Variants in AOAH observed in about 807,000 individuals in gnomAD.
The protein encoded by AOAH is acyloxyacyl hydrolase (neutrophil).
In AOAH, 64 loss-of-function variants were observed where a neutral mutation model predicts 92.2. That is an observed-to-expected ratio of 0.69 (90% CI 0.57 to 0.86). The LOEUF (loss-of-function observed/expected upper bound fraction) is 0.86, where lower values mean the gene tolerates loss of function less well. Among genes scored for constraint, AOAH ranks in the 40% least tolerant of loss-of-function variants. The pLI is 0.00. For synonymous variants in AOAH, 263 were observed against 254.5 expected (o/e 1.03, Z -0.32); for missense variants, 656 against 694.6 (o/e 0.94, Z 0.62).
At position 36,597,393 on chromosome 7, in the gene AOAH, C is replaced by T. The variant is rs142354378; in HGVS notation, c.847-2963G>A. 3.3e-3 allele frequency among the ~76,000 whole-genome samples: 508 copies of T among 152,278 alleles called. 8 individuals carry two copies. Among genetic ancestry groups the T allele is most frequent in the African/African-American group, 0.012 (493 of 41,542 alleles). On this transcript the variant is annotated intron_variant, in intron 11 of 20. Transcript: ENST00000617537. ...TTTCTCTGTGTTTTATCTTATTTTT[C>T]CCTACATCTTTCTGCTTACAATGTG...
intron 11 of AOAH, 61 bp downstream of exon 11, chr7:36,616,319 G>A: frequency 1.5e-6 from 2 of 1,370,872 alleles, no homozygotes; most frequent in Non-Finnish European, 1.0e-6. Context: ...TTTAGAGAGA[G>A]CAAGAGGAAA....
At chr7:36,533,525 T>G (rs900972298) in intron 16 of AOAH, among the ~76,000 whole-genome samples, 2 of 152,158 alleles carry the variant, frequency 1.3e-5, no homozygotes, top group Non-Finnish European at 2.9e-5. Flanking sequence ...AGGTCTGTCT[T>G]CTGTACAGGC....
intron 3 of AOAH, among the ~76,000 whole-genome samples, chr7:36,670,986 C>T (rs1260655615): frequency 6.6e-6 from 1 of 152,160 alleles, no homozygotes; most frequent in African/African-American, 2.4e-5. Context: ...ACTCCCAGCA[C>T]ACTGCTGTTG....
chr7:36,543,943 C>CTTTTTTT lies in AOAH; in HGVS notation c.1134-3453_1134-3452insAAAAAAA, dbSNP rs1407764591. On this transcript the variant is annotated intron_variant, in intron 15 of 20. Transcript: ENST00000617537. ...TTTTCTTTTTCTTTTTTCTTTCTTT[C>CTTTTTTT]TTTCTTTTTTTTTTTTTTTTTTGAG... Among the ~76,000 whole-genome samples the CTTTTTTT allele has an allele frequency of 2.9e-4, 24 of 82,786 alleles. 1 individual carries two copies. Among genetic ancestry groups the CTTTTTTT allele is most frequent in the Non-Finnish European group, 4.3e-4 (17 of 39,932 alleles). The allele number at this position is 82,786 out of a possible 152,430, so 54.3% of individuals were successfully genotyped here. A position where few individuals can be genotyped will look rare whatever the true frequency, so the allele number is the denominator to read the frequency against.
chr7:36,689,205 C>T (rs1437829269), intron 1 of AOAH, among the ~76,000 whole-genome samples: 1 of 152,134 alleles, frequency 6.6e-6, no homozygotes, highest in African/African-American at 2.4e-5. Flanking sequence ...CATGAAACAA[C>T]CAGTGTCCTC....
chr7:36,702,820 C>T (rs764926169), intron 1 of AOAH, among the ~76,000 whole-genome samples: 17 of 152,180 alleles, frequency 1.1e-4, no homozygotes, highest in African/African-American at 2.4e-4. Context: ...AATAAGACAA[C>T]GAAGTTTGCC....
chr7:36,613,557 C>T (rs1050831063), intron 11 of AOAH, among the ~76,000 whole-genome samples: 4 of 152,182 alleles, frequency 2.6e-5, no homozygotes, highest in African/African-American at 9.7e-5. Flanking sequence ...TTGCCAGGAC[C>T]TTTCCTGCAT....
intron 16 of AOAH, among the ~76,000 whole-genome samples, chr7:36,536,236 G>A (rs1479270616): frequency 1.3e-5 from 2 of 152,186 alleles, no homozygotes; most frequent in African/African-American, 4.8e-5. Flanking sequence ...AGCAGAGACT[G>A]TGTCACTGAC....
chr7:36,599,597 T>C (rs1402863458), intron 11 of AOAH: 1 of 152,222 alleles, frequency 6.6e-6, no homozygotes, highest in Non-Finnish European at 1.5e-5. Flanking sequence ...TAAATAAGCA[T>C]TGTTTTATCC....
intron 1 of AOAH, among the ~76,000 whole-genome samples, chr7:36,719,205 C>T (rs538132275): frequency 6.6e-6 from 1 of 152,206 alleles, no homozygotes; most frequent in African/African-American, 2.4e-5. Context: ...GCTTATCATA[C>T]AGTCAGTGTC....
rs965014916 is a variant in AOAH at position 36,516,055 on chromosome 7, C to A, written c.1600-2675G>T. Among the ~76,000 whole-genome samples, 19 of 146,540 alleles carry A rather than the reference C, an allele frequency of 1.3e-4. No homozygotes were observed. The highest frequency in any genetic ancestry group is 2.6e-4 in the Non-Finnish European group (17 of 66,176). On this transcript the variant is annotated intron_variant, in intron 20 of 20. Coordinates refer to ENST00000617537, the MANE Select transcript of AOAH (RefSeq NM_001637.4). The surrounding 1 kb of genome is among the most constrained non-coding windows in gnomAD (Gnocchi z 5.0). ...ATAAATACGTCACACACACACACAC[C>A]ACACACTACACACACCACACGCCAC...
intron 11 of AOAH, among the ~76,000 whole-genome samples, chr7:36,607,955 GC>G (rs1791131284): frequency 6.6e-6 from 1 of 152,198 alleles, no homozygotes; most frequent in Non-Finnish European, 1.5e-5. Context: ...TGCATTCTCT[GC>G]ACTCCACTAG....
At chr7:36,517,226 GTC>G (rs68054405) in intron 20 of AOAH, among the ~76,000 whole-genome samples, 3 of 121,450 alleles carry the variant, frequency 2.5e-5, no homozygotes, top group African/African-American at 4.2e-5. Context: ...CTTTCTTTCT[GTC>G]TCTCTCTCTC....
intron 12 of AOAH, among the ~76,000 whole-genome samples, chr7:36,579,643 T>C (rs1788790572): frequency 6.6e-6 from 1 of 152,114 alleles, no homozygotes; most frequent in African/African-American, 2.4e-5. Flanking sequence ...TGGAGTCTGA[T>C]ATTCAAGGGC....
chr7:36,551,435 T>G (rs1361007828), intron 13 of AOAH, among the ~76,000 whole-genome samples: 1 of 152,186 alleles, frequency 6.6e-6, no homozygotes, highest in Non-Finnish European at 1.5e-5. Flanking sequence ...TTTACATTGT[T>G]GTGCAACCAT....
chr7:36,558,673 G>C (rs1016039921), intron 13 of AOAH, among the ~76,000 whole-genome samples: 3 of 152,252 alleles, frequency 2.0e-5, no homozygotes, highest in African/African-American at 7.2e-5. Flanking sequence ...GCAAGCCTGG[G>C]CAATGGCGGG....
chr7:36,616,940 T>C (rs1478170678), intron 10 of AOAH, among the ~76,000 whole-genome samples: 3 of 152,208 alleles, frequency 2.0e-5, no homozygotes, highest in Admixed American at 6.5e-5. Context: ...AAACACTGGA[T>C]AGATGATTCT....
chr7:36,513,293 G>A lies in AOAH; in HGVS notation c.1687C>T (p.Pro563Ser), dbSNP rs938725182. ...QILGKENPFNPQIKQVFGDQG... is the reference protein window; with the variant it reads ...QILGKENPFNSQIKQVFGDQG... ...TCTCCAAACACCTGTTTAATCTGGG[G>A]GTTGAACGGATTCTCCTTTCCCAGG... The change falls in exon 21 of 21, where the codon CCC becomes TCC. Residue 563 changes from proline (P) to serine (S), a missense_variant. Physicochemically the swap from Pro to Ser is moderately conservative, Grantham distance 74 (BLOSUM62 -1). Coordinates refer to ENST00000617537, the MANE Select transcript of AOAH (RefSeq NM_001637.4). The A allele has an allele frequency of 6.2e-7, 1 of 1,614,168 alleles. No homozygotes were observed. Among genetic ancestry groups the A allele is most frequent in the African/African-American group, 1.3e-5 (1 of 75,042 alleles).
At chr7:36,515,455 C>CCA (rs1783584975) in intron 20 of AOAH, among the ~76,000 whole-genome samples, 1 of 119,292 alleles carries the variant, frequency 8.4e-6, no homozygotes, top group African/African-American at 3.3e-5. Context: ...ACCACACACA[C>CCA]CACACACCAC....
Sources: gnomAD v4.1 joint callset for allele counts (sites outside exome capture counted in the v4.1 genomes callset) on GRCh38, gnomAD v4.1.1 for gene constraint, Gnocchi (gnomAD v3.1) non-coding constraint, MANE v1.5 for transcripts, NCBI Gene and HGNC (gene_info 2026-07-23, HGNC 2026-07-21) for gene names.